Variants in LHX6 observed in about 807,000 individuals in gnomAD.
The protein encoded by LHX6 is LIM/homeobox protein Lhx6.
LHX6 carries 15 observed loss-of-function variants against 47.1 expected under a neutral mutation model. The ratio of observed to expected loss-of-function variants is 0.32; its 90% CI spans 0.21 to 0.49. The LOEUF is 0.49. LHX6 is among the 20% of genes least tolerant of loss of function. The pLI is 0.99. For missense variants in LHX6, 404 were observed against 539.6 expected (o/e 0.75, Z 2.49); for synonymous variants, 242 against 233.5 (o/e 1.04, Z -0.33).
intron 9 of LHX6, among the ~76,000 whole-genome samples, chr9:122,207,895 T>C (rs1830246065): frequency 6.6e-6 from 1 of 152,130 alleles, no homozygotes; most frequent in Non-Finnish European, 1.5e-5. Context: ...GGAATCTCTG[T>C]ATATTTACAA....
intron 4 of LHX6, among the ~76,000 whole-genome samples, chr9:122,220,793 C>G (rs1053588667): frequency 6.6e-6 from 1 of 152,224 alleles, no homozygotes; most frequent in Non-Finnish European, 1.5e-5. Flanking sequence ...CCCTCTACCC[C>G]CTGAAAGGAG....
At chr9:122,228,184 C>T (rs1831189967) in intron 1 of LHX6, 2 of 1,355,220 alleles carry the variant, frequency 1.5e-6, no homozygotes, top group African/African-American at 1.5e-5. Flanking sequence ...TTTCGAGGGC[C>T]AGTCGGAGGG....
intron 5 of LHX6, among the ~76,000 whole-genome samples, chr9:122,215,249 T>C (rs1830552760): frequency 6.6e-6 from 1 of 152,214 alleles, no homozygotes; most frequent in South Asian, 2.1e-4. Context: ...GCAAACATTG[T>C]AACATACATG....
At position 122,225,532 on chromosome 9, in the gene LHX6, G is replaced by A. The variant is rs111240112; in HGVS notation, c.461+844C>T. On this transcript the variant is annotated intron_variant, in intron 4 of 9. Coordinates refer to ENST00000394319, the MANE Select transcript of LHX6 (RefSeq NM_014368.5). ...TGCGCCTGGCTGCTCTCGGCTGCTG[G>A]ACGCGGCCTGCAGTAGGGAGAGCGC... Among the ~76,000 whole-genome samples the A allele has an allele frequency of 5.4e-3, 818 of 152,390 alleles. 5 individuals carry two copies. Among genetic ancestry groups the A allele is most frequent in the Non-Finnish European group, 9.5e-3 (643 of 68,038 alleles).
chr9:122,216,901 G>A (rs917065392), intron 5 of LHX6, among the ~76,000 whole-genome samples, 167 bp downstream of exon 5: 3 of 152,094 alleles, frequency 2.0e-5, no homozygotes, highest in African/African-American at 4.8e-5. Context: ...GCAAAAGATC[G>A]ACCCGGAAGT....
At position 122,217,212 on chromosome 9, in the gene LHX6, C is replaced by T; in HGVS notation, c.538G>A (p.Ala180Thr). The change falls in exon 5 of 10, where the codon GCC becomes ACC. Residue 180 changes from alanine (A) to threonine (T), a missense_variant. Transcript: ENST00000394319. The surrounding 1 kb of genome is among the most constrained non-coding windows in gnomAD (Gnocchi z 4.9). ...SDWVRRARGN[A>T]YHLACFACFS... ...CAGGCGAAGCAGGCCAGGTGGTAGG[C>T]GTTGCCGCGAGCTCTCCGCACCCAG... is the stretch of plus-strand genomic sequence containing the variant. 3 of 1,614,164 alleles carry T rather than the reference C, an allele frequency of 1.9e-6. No homozygotes were observed. The highest frequency in any genetic ancestry group is 1.3e-5 in the African/African-American group (1 of 75,074).
At chr9:122,228,305 ACCGGC>A in intron 1 of LHX6, 1 of 1,534,562 alleles carries the variant, frequency 6.5e-7, no homozygotes, top group Non-Finnish European at 8.7e-7. Flanking sequence ...CGCGCCGGGT[ACCGGC>A]CCCGCGTCGG....
chr9:122,219,263 G>A (rs921158129), intron 4 of LHX6, among the ~76,000 whole-genome samples: 1 of 152,242 alleles, frequency 6.6e-6, no homozygotes, highest in Non-Finnish European at 1.5e-5. Flanking sequence ...CCAACGAGGA[G>A]CGCGACAGGA....
chr9:122,228,235 G>T, intron 1 of LHX6: 1 of 1,530,624 alleles, frequency 6.5e-7, no homozygotes, highest in Non-Finnish European at 8.8e-7. Flanking sequence ...GGCGAAACGG[G>T]ACCAAAAAGA....
chr9:122,227,136 TC>T, intron 2 of LHX6, 106 bp from the exon 3 acceptor site: 1 of 1,082,316 alleles, frequency 9.2e-7, no homozygotes, highest in Non-Finnish European at 1.3e-6. Flanking sequence ...CAACGAAATC[TC>T]CCCAGGACAA....
At chr9:122,205,600 G>A (rs74986585) in intron 9 of LHX6, among the ~76,000 whole-genome samples, 6,549 of 152,190 alleles carry the variant, frequency 0.043, 441 homozygotes, top group African/African-American at 0.14. Context: ...TGACTACATG[G>A]CTGTTCCCTT....
At chr9:122,219,559 C>T (rs954411345) in intron 4 of LHX6, among the ~76,000 whole-genome samples, 2 of 152,174 alleles carry the variant, frequency 1.3e-5, no homozygotes, top group Admixed American at 1.3e-4. Context: ...GGCTGGCTTC[C>T]GATTATTTGT....
chr9:122,216,346 C>T (rs1033171604), intron 5 of LHX6, among the ~76,000 whole-genome samples: 4 of 152,304 alleles, frequency 2.6e-5, no homozygotes, highest in East Asian at 1.9e-4. Context: ...CCCCAGGATC[C>T]GTGGAAGACC....
At chr9:122,223,827 G>T (rs1374011967) in intron 4 of LHX6, among the ~76,000 whole-genome samples, 2 of 152,174 alleles carry the variant, frequency 1.3e-5, no homozygotes, top group Non-Finnish European at 2.9e-5. Flanking sequence ...GGCTGGAGAA[G>T]TAGAAAAGAA....
chr9:122,228,306 C>T lies in LHX6; in HGVS notation c.84+351G>A, dbSNP rs1287219426. ...CTCCAGCCCCTCGGCGCGCCGGGTA[C>T]CGGCCCCGCGTCGGGATTCTCAGCG... On this transcript the variant is annotated intron_variant, in intron 1 of 9. Coordinates refer to ENST00000394319, the MANE Select transcript of LHX6 (RefSeq NM_014368.5). 5.9e-6 allele frequency: 9 copies of T among 1,534,884 alleles called. No individual in the cohort carries two copies. In the East Asian group the frequency reaches 7.4e-5, roughly 13 times the overall value.
chr9:122,221,276 G>C, intron 4 of LHX6: 1 of 985,574 alleles, frequency 1.0e-6, no homozygotes, highest in Non-Finnish European at 1.2e-6. Context: ...CCGCTTCTCG[G>C]AGGTCCCGGC....
intron 4 of LHX6, among the ~76,000 whole-genome samples, chr9:122,219,634 T>C (rs929105090): frequency 7.2e-5 from 11 of 152,230 alleles, no homozygotes; most frequent in Non-Finnish European, 1.2e-4. Context: ...GTCCTGGGCC[T>C]CAACGTTGCG....
chr9:122,208,939 C>T (rs1391199304), intron 9 of LHX6, among the ~76,000 whole-genome samples: 2 of 151,812 alleles, frequency 1.3e-5, no homozygotes, highest in Non-Finnish European at 2.9e-5. Context: ...TGTCTGACAG[C>T]ACTGGCTTTC....
At chr9:122,219,616 G>T (rs1003812730) in intron 4 of LHX6, among the ~76,000 whole-genome samples, 2 of 152,136 alleles carry the variant, frequency 1.3e-5, no homozygotes, top group Non-Finnish European at 2.9e-5. Context: ...ACCTTACTAC[G>T]GGCCGGGGTC....
Sources: gnomAD v4.1 joint callset for allele counts (sites outside exome capture counted in the v4.1 genomes callset) on GRCh38, gnomAD v4.1.1 for gene constraint, Gnocchi (gnomAD v3.1) non-coding constraint, MANE v1.5 for transcripts, NCBI Gene and HGNC (gene_info 2026-07-23, HGNC 2026-07-21) for gene names.